Variants in SCFD2 observed in about 807,000 individuals in gnomAD.
The protein encoded by SCFD2 is sec1 family domain-containing protein 2.
Under a neutral mutation model 58.9 loss-of-function variants are expected in SCFD2, and 54 were observed. That is an observed-to-expected ratio of 0.92 (90% confidence interval 0.74 to 1.15). The LOEUF (loss-of-function observed/expected upper bound fraction) is 1.15. Among genes scored for constraint, SCFD2 ranks in the 50% most tolerant of loss-of-function variants. The pLI, the probability that SCFD2 is intolerant of heterozygous loss-of-function variation, is 0.00. For missense variants in SCFD2, 805 were observed against 836.6 expected (o/e 0.96, Z 0.47); for synonymous variants, 321 against 335.9 (o/e 0.96, Z 0.49).
chr4:53,209,394 GA>G (rs1166214648), intron 4 of SCFD2, among the ~76,000 whole-genome samples: 2 of 152,104 alleles, frequency 1.3e-5, no homozygotes, highest in African/African-American at 2.4e-5. Context: ...GCTGAGGTTG[GA>G]AAAGTGTGAT....
intron 5 of SCFD2, among the ~76,000 whole-genome samples, chr4:52,921,989 A>T (rs1719747032): frequency 6.6e-6 from 1 of 152,060 alleles, no homozygotes; most frequent in Non-Finnish European, 1.5e-5. Context: ...CCCCAGAAGG[A>T]TGAAGCACCC....
intron 4 of SCFD2, among the ~76,000 whole-genome samples, chr4:53,194,448 T>C (rs1728001896): frequency 2.0e-5 from 3 of 152,192 alleles, no homozygotes; most frequent in Non-Finnish European, 4.4e-5. Context: ...GTGCCTCACT[T>C]TTGAAGACTA....
At chr4:53,319,039 T>C (rs1732946454) in intron 2 of SCFD2, among the ~76,000 whole-genome samples, 3 of 152,342 alleles carry the variant, frequency 2.0e-5, no homozygotes, top group Non-Finnish European at 2.9e-5. Flanking sequence ...TACCATGCCA[T>C]GCTTATATTA....
chr4:53,147,747 TAA>T (rs1726376311), intron 4 of SCFD2, among the ~76,000 whole-genome samples: 1 of 152,200 alleles, frequency 6.6e-6, no homozygotes, highest in Non-Finnish European at 1.5e-5. Flanking sequence ...GAGCCACACA[TAA>T]AATATACTAC....
intron 1 of SCFD2, among the ~76,000 whole-genome samples, chr4:53,356,915 T>C (rs952278258): frequency 5.9e-5 from 9 of 151,960 alleles, no homozygotes; most frequent in African/African-American, 2.2e-4. Context: ...TTTTTGTATT[T>C]TTTAGTAGAG....
At chr4:52,978,355 T>G (rs1193566343) in intron 5 of SCFD2, among the ~76,000 whole-genome samples, 1 of 152,142 alleles carries the variant, frequency 6.6e-6, no homozygotes, top group African/African-American at 2.4e-5. Flanking sequence ...GATGACCCCC[T>G]AGGCATTTCC....
At chr4:53,005,672 T>C (rs1404394484) in intron 5 of SCFD2, among the ~76,000 whole-genome samples, 5 of 152,164 alleles carry the variant, frequency 3.3e-5, no homozygotes, top group Non-Finnish European at 7.4e-5. Flanking sequence ...AGGGTCAAGC[T>C]ATAATAAGAT....
intron 5 of SCFD2, among the ~76,000 whole-genome samples, chr4:53,072,462 A>G (rs1250315102): frequency 6.6e-6 from 1 of 152,110 alleles, no homozygotes; most frequent in Non-Finnish European, 1.5e-5. Flanking sequence ...CTGGGGTTCA[A>G]GTATGTTCAA....
rs1156887629 is a variant in SCFD2, at chr4:53,240,630, C to A, written c.1311+33196G>T. On this transcript the variant is annotated intron_variant, in intron 4 of 8. Coordinates refer to ENST00000401642, the MANE Select transcript of SCFD2 (RefSeq NM_152540.4). ...AATATTTAAAACATTTCATTCAAAACAACTTCTGATTACTGTTTGAATCTC... is the reference window on the plus strand; with the variant it reads ...AATATTTAAAACATTTCATTCAAAAAAACTTCTGATTACTGTTTGAATCTC... 3.9e-5 allele frequency among the ~76,000 whole-genome samples: 6 copies of A among 152,316 alleles called. No individual in the cohort carries two copies. In the South Asian group the frequency reaches 1.2e-3, roughly 32 times the overall value.
chr4:53,156,738 T>A (rs1334141006), intron 4 of SCFD2, among the ~76,000 whole-genome samples: 5 of 152,222 alleles, frequency 3.3e-5, no homozygotes, highest in African/African-American at 4.8e-5. Context: ...TCAAACTTAT[T>A]AATCTTATTG....
intron 5 of SCFD2, among the ~76,000 whole-genome samples, chr4:53,038,024 G>T (rs970246528): frequency 6.6e-6 from 1 of 152,080 alleles, no homozygotes; most frequent in Non-Finnish European, 1.5e-5. Flanking sequence ...TCTGCATTCA[G>T]TGAAAAGAAA....
chr4:52,955,807 G>C (rs1011809981), intron 5 of SCFD2, among the ~76,000 whole-genome samples: 6 of 152,180 alleles, frequency 3.9e-5, no homozygotes, highest in Non-Finnish European at 8.8e-5. Flanking sequence ...GATGACTTTG[G>C]GACAAAGACA....
intron 4 of SCFD2, among the ~76,000 whole-genome samples, chr4:53,182,090 T>C (rs1454345690): frequency 6.6e-6 from 1 of 152,172 alleles, no homozygotes; most frequent in African/African-American, 2.4e-5. Flanking sequence ...AGGTAATTTA[T>C]AGATTCAATG....
chr4:53,031,578 GAGA>G (rs1250356754), intron 5 of SCFD2, among the ~76,000 whole-genome samples: 1 of 152,218 alleles, frequency 6.6e-6, no homozygotes, highest in Non-Finnish European at 1.5e-5. Flanking sequence ...AACCAGTTTA[GAGA>G]AGAACATAAA....
rs186707210 is a variant in SCFD2, at chr4:53,218,282, A to G, written c.1311+55544T>C. ...CTCCTCGTCACTTTCAGGTACACCA[A>G]TCAGATGTAGATTTGGTCTTTTCAC... On this transcript the variant is annotated intron_variant, in intron 4 of 8. Transcript: ENST00000401642. Among the ~76,000 whole-genome samples, 61 of 152,302 alleles carry G rather than the reference A, an allele frequency of 4.0e-4. 1 individual carries two copies. The highest frequency in any genetic ancestry group is 3.8e-3 in the Admixed American group (58 of 15,294).
In SCFD2 at chr4:53,297,420, T is replaced by G. The variant is rs568138190; in HGVS notation, c.1135+16216A>C. Among the ~76,000 whole-genome samples the G allele has an allele frequency of 2.0e-5, 3 of 152,312 alleles. No homozygotes were observed. In the South Asian group the frequency reaches 6.2e-4, roughly 32 times the overall value. ...CTTCTTCGTCTCTTTTGATCATTCTTAGTTTAAGGTCTCTTTGTGTCAGAC... is the reference window on the plus strand; with the variant it reads ...CTTCTTCGTCTCTTTTGATCATTCTGAGTTTAAGGTCTCTTTGTGTCAGAC... On this transcript the variant is annotated intron_variant, in intron 3 of 8. Coordinates refer to ENST00000401642, the MANE Select transcript of SCFD2 (RefSeq NM_152540.4).
intron 5 of SCFD2, among the ~76,000 whole-genome samples, chr4:53,120,828 T>C (rs1447319376): frequency 6.6e-6 from 1 of 152,196 alleles, no homozygotes; most frequent in Non-Finnish European, 1.5e-5. Context: ...AATAAAATCC[T>C]GTATTTTATG....
At chr4:52,977,815 A>G (rs59065063) in intron 5 of SCFD2, among the ~76,000 whole-genome samples, 6,817 of 152,264 alleles carry the variant, frequency 0.045, 211 homozygotes, top group African/African-American at 0.078. Flanking sequence ...TCTTCTTTCA[A>G]TGAATTCCTA....
At chr4:53,097,056 T>A (rs997103178) in intron 5 of SCFD2, among the ~76,000 whole-genome samples, 1 of 152,214 alleles carries the variant, frequency 6.6e-6, no homozygotes, top group African/African-American at 2.4e-5. Context: ...AGGGATCTGT[T>A]CTGTTCCATT....
Sources: allele counts gnomAD v4.1 joint callset (sites outside exome capture counted in the v4.1 genomes callset), GRCh38; gene constraint gnomAD v4.1.1; transcripts MANE v1.5; gene names NCBI Gene and HGNC (gene_info 2026-07-23, HGNC 2026-07-21).